The following SLC34A1 variants were observed in gnomAD, a reference collection of about 807,000 sequenced individuals.
The protein encoded by SLC34A1 is solute carrier family 34 member 1.
In SLC34A1, 57 loss-of-function variants were observed where a neutral mutation model predicts 51.4. That is an observed-to-expected ratio of 1.11 (90% CI 0.90 to 1.38). The LOEUF (loss-of-function observed/expected upper bound fraction) is 1.38. Ranked by LOEUF, SLC34A1 falls within the 40% of genes most tolerant of loss-of-function variation. The pLI is 0.00. For missense variants in SLC34A1, 796 were observed against 835.6 expected (o/e 0.95, Z 0.58); for synonymous variants, 368 against 358.0 (o/e 1.03, Z -0.32).
intron 12 of SLC34A1, chr5:177,397,364 T>A (rs1763004775): frequency 2.0e-6 from 1 of 503,916 alleles, no homozygotes. Context: ...CTGGAGCAGT[T>A]TGGGGAATCC....
At chr5:177,390,265 T>G (rs1581641270) in intron 8 of SLC34A1, 1 of 990,138 alleles carries the variant, frequency 1.0e-6, no homozygotes, top group Non-Finnish European at 1.2e-6. Flanking sequence ...GGCAGTTGAG[T>G]GATCAGACAC....
In SLC34A1 at chr5:177,397,980, G is replaced by A. The variant is rs750648561; in HGVS notation, c.1614G>A (p.Trp538Ter). The change falls in exon 13 of 13, where the codon TGG becomes TGA. Residue 538 changes from tryptophan (W) to a stop codon, truncating the protein, a stop_gained. Coordinates refer to ENST00000324417, the MANE Select transcript of SLC34A1 (RefSeq NM_003052.5). LOFTEE classifies it high-confidence loss of function. ...TGTTTGGCATCTCCATGGCAGGCTGGCAGGTCATGGTAGGTGTGGGCACGC... is the reference window on the plus strand; with the variant it reads ...TGTTTGGCATCTCCATGGCAGGCTGACAGGTCATGGTAGGTGTGGGCACGC... ...SLVFGISMAGWQVMVGVGTPF... is the reference protein window; with the variant it reads ...SLVFGISMAG The A allele has an allele frequency of 1.7e-5, 28 of 1,613,956 alleles. No individual in the cohort carries two copies. The highest frequency in any genetic ancestry group is 2.3e-5 in the Non-Finnish European group (27 of 1,180,026).
intron 9 of SLC34A1, 82 bp from the exon 10 acceptor site, chr5:177,393,946 G>A: frequency 6.3e-7 from 1 of 1,582,130 alleles, no homozygotes; most frequent in Admixed American, 1.7e-5. Flanking sequence ...GGGGCCTTAG[G>A]ATCAGAGCCC....
chr5:177,385,490 G>A (rs1167552683), intron 1 of SLC34A1, among the ~76,000 whole-genome samples: 3 of 151,930 alleles, frequency 2.0e-5, no homozygotes, highest in African/African-American at 7.2e-5. Flanking sequence ...CTGCATGTGA[G>A]TCTCGGAGGG....
intron 5 of SLC34A1, 134 bp from the exon 6 acceptor site, chr5:177,387,628 C>A (rs1284019070): frequency 5.1e-6 from 4 of 780,344 alleles, no homozygotes; most frequent in East Asian, 5.1e-5. Flanking sequence ...GTGACGCCAA[C>A]GTTAGGCAGA....
At chr5:177,387,269 T>C (rs895366045) in intron 5 of SLC34A1, among the ~76,000 whole-genome samples, 5 of 151,050 alleles carry the variant, frequency 3.3e-5, no homozygotes, top group Admixed American at 3.3e-4. Context: ...GTGGCAGGTG[T>C]CTGCAGTCCC....
Position 177,398,399 on chromosome 5 carries a change from C to G in SLC34A1, c.*113C>G. 1 of 1,246,042 alleles carries G rather than the reference C, an allele frequency of 8.0e-7. No individual in the cohort carries two copies. Among genetic ancestry groups the G allele is most frequent in the Non-Finnish European group, 1.2e-6 (1 of 860,034 alleles). The allele number at this position is 1,246,042 out of a possible 1,614,324, so 77.2% of individuals were successfully genotyped here. ...CCTGTGCCACCCTGGGTGCCAGTCT[C>G]TCCTTCTGTAGCTCCGCAAAGCTCT... is the stretch of plus-strand genomic sequence containing the variant. On this transcript the variant is annotated 3_prime_UTR_variant, in exon 13 of 13. Coordinates refer to ENST00000324417, the MANE Select transcript of SLC34A1 (RefSeq NM_003052.5). The surrounding 1 kb of genome is among the most constrained non-coding windows in gnomAD (Gnocchi z 4.7).
chr5:177,393,320 C>T (rs969563611), intron 8 of SLC34A1, among the ~76,000 whole-genome samples: 1 of 151,568 alleles, frequency 6.6e-6, no homozygotes, highest in African/African-American at 2.4e-5. Flanking sequence ...GGAAGGGGCA[C>T]CGAGAAAGGG....
chr5:177,388,249 A>G lies in SLC34A1; in HGVS notation c.841-28A>G, dbSNP rs1197130792. 6.2e-7 allele frequency: 1 copy of G among 1,613,298 alleles called. No homozygotes were observed. The highest frequency in any genetic ancestry group is 8.5e-7 in the Non-Finnish European group (1 of 1,179,790). On this transcript the variant is annotated intron_variant, in intron 7 of 12. Transcript: ENST00000324417. This position sits in a 1 kb window ranked among gnomAD's most constrained non-coding sequence, Gnocchi z 4.3. ...GGTAACAAGGGACCCAGCCTCCTTC[A>G]CTCCCCCTGCCCACATCTTGCCCAC...
Position 177,385,782 on chromosome 5 carries a change from C to T in SLC34A1, c.41C>T (p.Ser14Phe), listed in dbSNP as rs760942739. ...GAGAGGCTGGGGTCCCCTGCTGTCTCCCCACTCCCAGTCCGTGGGGGGCAT... is the reference window on the plus strand; with the variant it reads ...GAGAGGCTGGGGTCCCCTGCTGTCTTCCCACTCCCAGTCCGTGGGGGGCAT... Reference protein sequence around the residue: ...YGERLGSPAVSPLPVRGGHVM... With the variant: ...YGERLGSPAVFPLPVRGGHVM... The change falls in exon 2 of 13, where the codon TCC becomes TTC. Residue 14 changes from serine to phenylalanine, a missense_variant. Physicochemically the swap from Ser to Phe is radical, Grantham distance 155 (BLOSUM62 -2). Coordinates refer to ENST00000324417, the MANE Select transcript of SLC34A1 (RefSeq NM_003052.5). 6.2e-7 allele frequency: 1 copy of T among 1,613,192 alleles called. No individual in the cohort carries two copies. The highest frequency in any genetic ancestry group is 1.1e-5 in the South Asian group (1 of 90,826).
Position 177,386,712 on chromosome 5 carries a change from C to T in SLC34A1, c.532+146C>T. On this transcript the variant is annotated intron_variant, in intron 5 of 12. Coordinates refer to ENST00000324417, the MANE Select transcript of SLC34A1 (RefSeq NM_003052.5). The surrounding 1 kb of genome is among the most constrained non-coding windows in gnomAD (Gnocchi z 4.8). ...AGCCAGGGACATGAGAGGAGCCCAA[C>T]TGTAGCTGTATGTGACCCAGATGAT... 1 of 941,964 alleles carries T rather than the reference C, an allele frequency of 1.1e-6. No homozygotes were observed. Among genetic ancestry groups the T allele is most frequent in the Non-Finnish European group, 1.7e-6 (1 of 605,590 alleles). The allele number at this position is 941,964 out of a possible 1,614,324, so 58.4% of individuals were successfully genotyped here. A position where few individuals can be genotyped will look rare whatever the true frequency, so the allele number is the denominator to read the frequency against.
chr5:177,392,323 C>A (rs1368831813), intron 8 of SLC34A1, among the ~76,000 whole-genome samples: 1 of 152,096 alleles, frequency 6.6e-6, no homozygotes, highest in African/African-American at 2.4e-5. Context: ...ATTAGCTGGG[C>A]GTGGTGGCAG....
At position 177,386,385 on chromosome 5, in the gene SLC34A1, C is replaced by G. The variant is rs371717403; in HGVS notation, c.388+36C>G. On this transcript the variant is annotated intron_variant, in intron 4 of 12. Transcript: ENST00000324417. The surrounding 1 kb of genome is among the most constrained non-coding windows in gnomAD (Gnocchi z 4.8). ...GGTGGAGGAGACCTGGGAGGGGTTC[C>G]TGAAGGGCCTTGGACAACGCTGGCT... 2.5e-6 allele frequency: 4 copies of G among 1,614,116 alleles called. No individual in the cohort carries two copies. In the African/African-American group the frequency reaches 5.3e-5, roughly 22 times the overall value.
rs1554095263 is a variant in SLC34A1 at position 177,386,492 on chromosome 5, G to GGATCCTGGTGACCGTGCTGGT, written c.460_480dup (p.Ile154_Val160dup). On this transcript the variant is annotated inframe_insertion, in exon 5 of 13. Coordinates refer to ENST00000324417, the MANE Select transcript of SLC34A1 (RefSeq NM_003052.5). The surrounding 1 kb of genome is among the most constrained non-coding windows in gnomAD (Gnocchi z 4.8). ...AACCCGGTGGCCGGGCTGGTGGTGG[G>GGATCCTGGTGACCGTGCTGGT]GATCCTGGTGACCGTGCTGGTGCAG... 27 of 1,614,070 alleles carry GGATCCTGGTGACCGTGCTGGT rather than the reference G, an allele frequency of 1.7e-5. 1 individual carries two copies. In the Middle Eastern group the frequency reaches 6.6e-4, roughly 39 times the overall value.
At chr5:177,387,972 G>A (rs367817095) in intron 6 of SLC34A1, 22 bp from the exon 7 acceptor site, 3 of 1,611,702 alleles carry the variant, frequency 1.9e-6, no homozygotes, top group Non-Finnish European at 2.5e-6. Flanking sequence ...AGCCTGCCTT[G>A]CAATGTGGCC....
chr5:177,398,050 CAG>C lies in SLC34A1; in HGVS notation c.1687_1688del (p.Arg564GlufsTer40), dbSNP rs1165971393. The C allele has an allele frequency of 1.2e-6, 2 of 1,614,074 alleles. No individual in the cohort carries two copies. Among genetic ancestry groups the C allele is most frequent in the Non-Finnish European group, 1.7e-6 (2 of 1,179,962 alleles). On this transcript the variant is annotated frameshift_variant, in exon 13 of 13. Coordinates refer to ENST00000324417, the MANE Select transcript of SLC34A1 (RefSeq NM_003052.5). LOFTEE classifies it high-confidence loss of function. The surrounding 1 kb of genome is among the most constrained non-coding windows in gnomAD (Gnocchi z 4.7). Reference protein sequence around the residue: ...LAFVVLINVLQSRSPGHLPKW... With the variant: ...LAFVVLINVLXSRSPGHLPKW... The stretch of plus-strand genomic sequence containing the variant: ...CTTCGTGGTGCTCATCAATGTCCTG[CAG>C]AGTCGGAGTCCCGGGCACCTGCCCA...
In SLC34A1 at chr5:177,387,841, G is replaced by C. The variant is rs2127348211; in HGVS notation, c.612G>C (p.Leu204=). The change falls in exon 6 of 13, where the codon CTG becomes CTC. Residue 204 remains leucine, a synonymous_variant. Coordinates refer to ENST00000324417, the MANE Select transcript of SLC34A1 (RefSeq NM_003052.5). ...CTGTCACCAACACCATCGTGGCCCT[G>C]ATGCAGGCGGGGGACAGGACTGACT... The part of the protein sequence containing the change: ...GTSVTNTIVA[L]MQAGDRTDFR... 6.2e-7 allele frequency: 1 copy of C among 1,613,166 alleles called. No homozygotes were observed. The highest frequency in any genetic ancestry group is 8.5e-7 in the Non-Finnish European group (1 of 1,179,752).
Position 177,388,348 on chromosome 5 carries a change from C to G in SLC34A1, c.912C>G (p.Ile304Met). The change falls in exon 8 of 13, where the codon ATC (isoleucine) becomes ATG (methionine). Residue 304 changes from isoleucine (I) to methionine (M), a missense_variant. Physicochemically the swap from Ile to Met is conservative, Grantham distance 10. Coordinates refer to ENST00000324417, the MANE Select transcript of SLC34A1 (RefSeq NM_003052.5). This position sits in a 1 kb window ranked among gnomAD's most constrained non-coding sequence, Gnocchi z 4.3. Reference sequence around the variant, plus strand: ...TGAGGAACCACAGTCTCATCCAGATCTGGTGCCACCCAGACTCCTTACAGG... The same window carrying G: ...TGAGGAACCACAGTCTCATCCAGATGTGGTGCCACCCAGACTCCTTACAGG... The part of the protein sequence containing the change: ...ESLRNHSLIQ[I>M]WCHPDSLQAP... 1.2e-6 allele frequency: 2 copies of G among 1,614,186 alleles called. No individual in the cohort carries two copies. The highest frequency in any genetic ancestry group is 1.7e-6 in the Non-Finnish European group (2 of 1,180,032).
chr5:177,393,633 C>T, intron 8 of SLC34A1, 61 bp from the exon 9 acceptor site: 1 of 1,550,240 alleles, frequency 6.5e-7, no homozygotes, highest in Non-Finnish European at 8.9e-7. Flanking sequence ...TAACTCCCAT[C>T]TCAGCCCCAA....
Sources: allele counts gnomAD v4.1 joint callset (sites outside exome capture counted in the v4.1 genomes callset), GRCh38; gene constraint gnomAD v4.1.1; non-coding constraint Gnocchi (gnomAD v3.1); transcripts MANE v1.5; gene names NCBI Gene and HGNC (gene_info 2026-07-23, HGNC 2026-07-21).